The following AGMO variants were observed in gnomAD, a reference collection of about 807,000 sequenced individuals.
AGMO encodes the protein glyceryl-ether monooxygenase.
In AGMO, 75 loss-of-function variants were observed where a neutral mutation model predicts 60.2. The observed-to-expected ratio is 1.25, with a 90% CI of 1.03 to 1.51. The LOEUF (loss-of-function observed/expected upper bound fraction) is 1.51. Among genes scored for constraint, AGMO ranks in the 40% most tolerant of loss-of-function variants. The pLI, the probability that AGMO is intolerant of heterozygous loss-of-function variation, is 0.00. For synonymous variants in AGMO, 261 were observed against 177.1 expected (o/e 1.47, Z -3.76); for missense variants, 763 against 525.5 (o/e 1.45, Z -4.42).
intron 12 of AGMO, among the ~76,000 whole-genome samples, chr7:15,310,681 T>C (rs912159648): frequency 2.0e-5 from 3 of 152,182 alleles, no homozygotes; most frequent in Non-Finnish European, 4.4e-5. Context: ...GAGTATACTA[T>C]TATCCTATTG....
At chr7:15,121,934 A>G in the AGMO span, among the ~76,000 whole-genome samples, 1 of 152,178 alleles carries the variant, frequency 6.6e-6, no homozygotes, top group Admixed American at 6.5e-5. Context: ...TAAATGTAAA[A>G]CCTAAAACCA....
intron 12 of AGMO, among the ~76,000 whole-genome samples, chr7:15,280,627 C>CT (rs1783935483): frequency 6.6e-6 from 1 of 152,206 alleles, no homozygotes; most frequent in Non-Finnish European, 1.5e-5. Flanking sequence ...CCCATTGCTA[C>CT]TACTGCAGCT....
chr7:15,461,643 T>C (rs1782145165), intron 3 of AGMO, among the ~76,000 whole-genome samples: 1 of 152,140 alleles, frequency 6.6e-6, no homozygotes, highest in Non-Finnish European at 1.5e-5. Flanking sequence ...AGAATGAGCA[T>C]GTCTTTTGGT....
intron 10 of AGMO, among the ~76,000 whole-genome samples, chr7:15,367,782 G>A (rs181140522): frequency 4.1e-4 from 62 of 152,148 alleles, no homozygotes; most frequent in African/African-American, 1.2e-3. Flanking sequence ...AAACCCAGAG[G>A]TGTGATACAA....
chr7:15,222,853 CA>C (rs1781962441), intron 12 of AGMO, among the ~76,000 whole-genome samples: 1 of 151,824 alleles, frequency 6.6e-6, no homozygotes, highest in Non-Finnish European at 1.5e-5. Context: ...TTCTTAAGAA[CA>C]AGGATTTTCC....
intron 12 of AGMO, among the ~76,000 whole-genome samples, chr7:15,360,990 C>G (rs936193432): frequency 5.9e-5 from 9 of 152,142 alleles, no homozygotes; most frequent in African/African-American, 1.7e-4. Flanking sequence ...GCCTTCTTCA[C>G]CTTAGTGATG....
At chr7:15,153,142 G>T in the AGMO span, among the ~76,000 whole-genome samples, 2 of 151,344 alleles carry the variant, frequency 1.3e-5, no homozygotes, top group Non-Finnish European at 2.9e-5. Context: ...CTTCTTTTGA[G>T]AATTGTCTAT....
chr7:15,204,979 C>T (rs1781403805), intron 12 of AGMO, among the ~76,000 whole-genome samples: 1 of 152,122 alleles, frequency 6.6e-6, no homozygotes, highest in South Asian at 2.1e-4. Context: ...GACATATCAT[C>T]TCACCCAGGT....
chr7:15,429,275 T>G (rs1781161870), intron 4 of AGMO, among the ~76,000 whole-genome samples: 1 of 152,106 alleles, frequency 6.6e-6, no homozygotes, highest in Admixed American at 6.6e-5. Flanking sequence ...AGGGTTGTTG[T>G]AGAAATAATT....
chr7:15,207,752 G>C (rs1177677225), intron 12 of AGMO, among the ~76,000 whole-genome samples: 1 of 152,106 alleles, frequency 6.6e-6, no homozygotes, highest in Non-Finnish European at 1.5e-5. Flanking sequence ...GGCTAACATG[G>C]TGAAACCACG....
chr7:15,427,172 T>C (rs1781089006), intron 4 of AGMO, among the ~76,000 whole-genome samples: 2 of 152,188 alleles, frequency 1.3e-5, no homozygotes. Flanking sequence ...CAGGAAACAA[T>C]GTCTACTGTT....
chr7:15,342,796 A>C (rs1781903503), intron 12 of AGMO, among the ~76,000 whole-genome samples: 3 of 149,340 alleles, frequency 2.0e-5, no homozygotes, highest in African/African-American at 7.5e-5. Flanking sequence ...AAAAAAAAAA[A>C]AAAAAAAAAT....
chr7:15,277,167 G>A lies in AGMO; in HGVS notation c.1264-75808C>T, dbSNP rs116586878. 8.8e-3 allele frequency among the ~76,000 whole-genome samples: 1,337 copies of A among 152,044 alleles called. 22 individuals carry two copies. Among genetic ancestry groups the A allele is most frequent in the African/African-American group, 0.031 (1,269 of 41,476 alleles). On this transcript the variant is annotated intron_variant, in intron 12 of 12. Transcript: ENST00000342526. ...TAGTAAAAATACAACAATTAGGTGG[G>A]CATGGTGGTGGGTGCCTGTAAACCC... is the stretch of plus-strand genomic sequence containing the variant.
chr7:15,315,637 A>T (rs1003221435), intron 12 of AGMO, among the ~76,000 whole-genome samples: 21 of 152,046 alleles, frequency 1.4e-4, no homozygotes, highest in African/African-American at 4.1e-4. Context: ...CTGTATATTT[A>T]GCTCTGAAGT....
At chr7:15,143,970 G>A in the AGMO span, among the ~76,000 whole-genome samples, 1 of 152,204 alleles carries the variant, frequency 6.6e-6, no homozygotes, top group East Asian at 1.9e-4. Context: ...CATTTCAATA[G>A]GAATCTTTAA....
chr7:15,316,925 A>G (rs1780943692), intron 12 of AGMO, among the ~76,000 whole-genome samples: 1 of 152,198 alleles, frequency 6.6e-6, no homozygotes, highest in East Asian at 1.9e-4. Context: ...AATCAAATCA[A>G]ACTGTCTTCA....
intron 12 of AGMO, among the ~76,000 whole-genome samples, chr7:15,336,407 A>G (rs112899828): frequency 1.4e-3 from 211 of 151,186 alleles, no homozygotes; most frequent in Non-Finnish European, 2.6e-3. Context: ...AAATCGGTTG[A>G]CTCAATATGG....
intron 12 of AGMO, among the ~76,000 whole-genome samples, chr7:15,314,169 T>A (rs188756538): frequency 1.3e-5 from 2 of 151,984 alleles, no homozygotes; most frequent in African/African-American, 4.8e-5. Context: ...GTGATTTACA[T>A]CCGGGGTGAG....
At chr7:15,528,095 C>T (rs1031541303) in intron 3 of AGMO, among the ~76,000 whole-genome samples, 2 of 152,090 alleles carry the variant, frequency 1.3e-5, no homozygotes, top group Non-Finnish European at 2.9e-5. Context: ...TCCAGCCTTA[C>T]TATTTAATAA....
Sources: allele counts gnomAD v4.1 joint callset (sites outside exome capture counted in the v4.1 genomes callset), GRCh38; gene constraint gnomAD v4.1.1; transcripts MANE v1.5; gene names NCBI Gene and HGNC (gene_info 2026-07-23, HGNC 2026-07-21).